Variants in SUPT4H1 observed in about 807,000 individuals in gnomAD.
SUPT4H1 encodes the protein SPT4 homolog, DSIF elongation factor subunit, also known as transcription elongation factor SPT4.
SUPT4H1 carries 12 observed loss-of-function variants against 19.4 expected under a neutral mutation model. The ratio of observed to expected loss-of-function variants is 0.62; its 90% CI spans 0.40 to 1.00. The LOEUF (loss-of-function observed/expected upper bound fraction) is 1.00, where lower values mean the gene tolerates loss of function less well. Among genes scored for constraint, SUPT4H1 ranks in the 50% least tolerant of loss-of-function variants. The pLI is 0.00. For synonymous variants in SUPT4H1, 58 were observed against 56.3 expected (o/e 1.03, Z -0.14); for missense variants, 115 against 149.2 (o/e 0.77, Z 1.19).
At chr17:58,349,799 G>C (rs1972421786) in intron 2 of SUPT4H1, among the ~76,000 whole-genome samples, 1 of 152,180 alleles carries the variant, frequency 6.6e-6, no homozygotes, top group African/African-American at 2.4e-5. Context: ...TACTGAATGA[G>C]CCCATAGGTA....
intron 2 of SUPT4H1, among the ~76,000 whole-genome samples, chr17:58,351,086 C>T (rs1465632236): frequency 6.6e-6 from 1 of 151,854 alleles, no homozygotes; most frequent in Non-Finnish European, 1.5e-5. Flanking sequence ...GTATTAGATG[C>T]ATAGCACTAG....
chr17:58,351,553 A>G, intron 1 of SUPT4H1, 45 bp from the exon 2 acceptor site: 2 of 1,365,166 alleles, frequency 1.5e-6, no homozygotes, highest in Non-Finnish European at 1.0e-6. Context: ...ATAAGCATGA[A>G]CAAGACCAAG....
chr17:58,345,332 A>C lies in SUPT4H1; in HGVS notation c.*914T>G, dbSNP rs1972244978. ...TTAGGGAAATCAAAATGGGGATACG[A>C]ACAGGATTTCTGTGGAAATTTAAAT... On this transcript the variant is annotated 3_prime_UTR_variant, in exon 5 of 5. Coordinates refer to ENST00000225504, the MANE Select transcript of SUPT4H1 (RefSeq NM_003168.3). 1.3e-5 allele frequency: 2 copies of C among 152,324 alleles called. No individual in the cohort carries two copies. Among genetic ancestry groups the C allele is most frequent in the Admixed American group, 6.5e-5 (1 of 15,302 alleles). The allele number at this position is 152,324 out of a possible 1,614,324, so 9.4% of individuals were successfully genotyped here. A position where few individuals can be genotyped will look rare whatever the true frequency, so the allele number is the denominator to read the frequency against.
chr17:58,350,045 G>A (rs1173167575), intron 2 of SUPT4H1, among the ~76,000 whole-genome samples: 4 of 152,264 alleles, frequency 2.6e-5, no homozygotes, highest in Non-Finnish European at 4.4e-5. Flanking sequence ...CACTTTGTGA[G>A]GCTGAGACGG....
At chr17:58,349,651 G>C (rs1418761968) in intron 2 of SUPT4H1, among the ~76,000 whole-genome samples, 1 of 152,240 alleles carries the variant, frequency 6.6e-6, no homozygotes, top group Non-Finnish European at 1.5e-5. Flanking sequence ...TATCATTGAT[G>C]AATGAATGGG....
At position 58,351,510 on chromosome 17, in the gene SUPT4H1, TG is replaced by T. The variant is rs1972520138; in HGVS notation, c.70-3del. ...ATCATATTCAAACTGGTCTATAGTC[TG>T]GGAGTGAAAGAAAAATAAAGGAAAA... On this transcript the variant is annotated splice_polypyrimidine_tract_variant and splice_region_variant and intron_variant, in intron 1 of 4. Coordinates refer to ENST00000225504, the MANE Select transcript of SUPT4H1 (RefSeq NM_003168.3). 1 of 1,599,624 alleles carries T rather than the reference TG, an allele frequency of 6.3e-7. No homozygotes were observed. The highest frequency in any genetic ancestry group is 1.3e-5 in the African/African-American group (1 of 74,454).
At chr17:58,349,800 C>A (rs1274630529) in intron 2 of SUPT4H1, among the ~76,000 whole-genome samples, 1 of 152,124 alleles carries the variant, frequency 6.6e-6, no homozygotes, top group African/African-American at 2.4e-5. Flanking sequence ...ACTGAATGAG[C>A]CCATAGGTAC....
At position 58,350,159 on chromosome 17, in the gene SUPT4H1, G is replaced by A. The variant is rs917052912; in HGVS notation, c.176+1243C>T. Among the ~76,000 whole-genome samples the A allele has an allele frequency of 1.8e-4, 27 of 152,204 alleles. No homozygotes were observed. In the East Asian group the frequency reaches 3.3e-3, roughly 19 times the overall value. ...AAATTAGCTGGGCGTGGTGGTGGGC[G>A]CCTGTAATCCCAGCTACTCAGGAGG... On this transcript the variant is annotated intron_variant, in intron 2 of 4. Transcript: ENST00000225504.
In SUPT4H1 at chr17:58,346,060, T is replaced by A; in HGVS notation, c.*186A>T. The A allele has an allele frequency of 9.1e-6, 5 of 547,634 alleles. No individual in the cohort carries two copies. Among genetic ancestry groups the A allele is most frequent in the Non-Finnish European group, 1.3e-5 (4 of 304,242 alleles). The allele number at this position is 547,634 out of a possible 1,614,324, so 33.9% of individuals were successfully genotyped here. A position where few individuals can be genotyped will look rare whatever the true frequency, so the allele number is the denominator to read the frequency against. On this transcript the variant is annotated 3_prime_UTR_variant, in exon 5 of 5. Coordinates refer to ENST00000225504, the MANE Select transcript of SUPT4H1 (RefSeq NM_003168.3). ...CCATCTGTTAATCCACCAACCCAAA[T>A]CCCTCCCACCCCACCTGTAGTCCAA...
At chr17:58,346,876 G>A (rs903543849) in intron 4 of SUPT4H1, among the ~76,000 whole-genome samples, 2 of 152,122 alleles carry the variant, frequency 1.3e-5, no homozygotes, top group African/African-American at 4.8e-5. Context: ...CTACTCAGGA[G>A]GCAGAGGTGG....
Position 58,347,728 on chromosome 17 carries a change from G to T in SUPT4H1, c.177-144C>A, listed in dbSNP as rs574382876. ...TGCCTTCTGATGTTGGGATGAGGCT[G>T]ACTCAAAGCTAGGACTGACAAAAGT... On this transcript the variant is annotated intron_variant, in intron 2 of 4. Coordinates refer to ENST00000225504, the MANE Select transcript of SUPT4H1 (RefSeq NM_003168.3). 1.4e-4 allele frequency: 106 copies of T among 761,710 alleles called. No individual in the cohort carries two copies. In the African/African-American group the frequency reaches 1.7e-3, roughly 12 times the overall value. The allele number at this position is 761,710 out of a possible 1,614,324, so 47.2% of individuals were successfully genotyped here. A position where few individuals can be genotyped will look rare whatever the true frequency, so the allele number is the denominator to read the frequency against.
intron 2 of SUPT4H1, among the ~76,000 whole-genome samples, chr17:58,350,836 CAA>C (rs35040111): frequency 2.8e-4 from 23 of 81,910 alleles, no homozygotes; most frequent in South Asian, 5.5e-4. Context: ...AAAGTCTGTC[CAA>C]AAAAAAAAAA....
chr17:58,349,394 A>G (rs1972404996), intron 2 of SUPT4H1, among the ~76,000 whole-genome samples: 1 of 152,282 alleles, frequency 6.6e-6, no homozygotes, highest in African/African-American at 2.4e-5. Context: ...GGTCAGCCAC[A>G]GTAACATAAG....
chr17:58,348,738 T>G (rs1972384822), intron 2 of SUPT4H1, among the ~76,000 whole-genome samples: 1 of 152,144 alleles, frequency 6.6e-6, no homozygotes, highest in African/African-American at 2.4e-5. Context: ...CTCAACTTCC[T>G]CAAAAATCCC....
chr17:58,348,460 A>C (rs1289864771), intron 2 of SUPT4H1, among the ~76,000 whole-genome samples: 1 of 151,880 alleles, frequency 6.6e-6, no homozygotes, highest in Non-Finnish European at 1.5e-5. Context: ...AACCGACCCT[A>C]CCTCCAGGGG....
At chr17:58,347,607 G>A (rs200028350) in intron 2 of SUPT4H1, 23 bp from the exon 3 acceptor site, 2 of 1,612,990 alleles carry the variant, frequency 1.2e-6, no homozygotes, top group Non-Finnish European at 8.5e-7. Flanking sequence ...AAGAAATGGA[G>A]AGTCAGCCTG....
chr17:58,348,025 C>G (rs753975770), intron 2 of SUPT4H1, among the ~76,000 whole-genome samples: 1 of 152,174 alleles, frequency 6.6e-6, no homozygotes. Context: ...CATATGGGGA[C>G]CCCTCTAATG....
chr17:58,351,336 G>T, intron 2 of SUPT4H1, 66 bp downstream of exon 2: 1 of 1,126,884 alleles, frequency 8.9e-7, no homozygotes, highest in Non-Finnish European at 1.3e-6. Flanking sequence ...CACTTGCCCT[G>T]CATTTACTTC....
chr17:58,348,709 T>C (rs1021248555), intron 2 of SUPT4H1, among the ~76,000 whole-genome samples: 2 of 152,176 alleles, frequency 1.3e-5, no homozygotes, highest in Non-Finnish European at 2.9e-5. Flanking sequence ...TTATTTGGAA[T>C]GTTCTCTCTC....
Sources: allele counts gnomAD v4.1 joint callset (sites outside exome capture counted in the v4.1 genomes callset), GRCh38; gene constraint gnomAD v4.1.1; transcripts MANE v1.5; gene names NCBI Gene and HGNC (gene_info 2026-07-23, HGNC 2026-07-21).